The following TENM1 variants were observed in gnomAD, a reference collection of about 807,000 sequenced individuals.
TENM1 encodes teneurin transmembrane protein 1.
Under a neutral mutation model 174.8 loss-of-function variants are expected in TENM1, and 35 were observed. That is an observed-to-expected ratio of 0.20 (90% CI 0.15 to 0.27). TENM1 has a LOEUF of 0.27. Among genes scored for constraint, TENM1 ranks in the 10% least tolerant of loss-of-function variants. The probability of loss-of-function intolerance (pLI) is 1.00; values close to 1 mark genes in which losing one functional copy is unlikely to be tolerated. For synonymous variants in TENM1, 781 were observed against 798.7 expected, an observed-to-expected ratio of 0.98 and a Z score of 0.37; for missense variants, 1,633 against 2,130.1, an observed-to-expected ratio of 0.77 and a Z score of 4.59.
At chrX:124,426,430 C>A (rs1024452864) in intron 23 of TENM1, among the ~76,000 whole-genome samples, 27 of 112,277 alleles carry the variant, frequency 2.4e-4, no homozygotes, top group African/African-American at 8.7e-4. Flanking sequence ...CTGCGGCCTA[C>A]TACTTCCCCA....
the TENM1 span, among the ~76,000 whole-genome samples, chrX:125,129,122 A>T: frequency 8.9e-6 from 1 of 111,872 alleles, no homozygotes; most frequent in Non-Finnish European, 1.9e-5. Flanking sequence ...GCAGTTGTCT[A>T]CGAGCCAGGA....
chrX:124,998,511 A>G, the TENM1 span, among the ~76,000 whole-genome samples: 1 of 110,765 alleles, frequency 9.0e-6, no homozygotes, highest in African/African-American at 3.3e-5. Context: ...AGTATTAACG[A>G]TGATAGCAGC....
rs143931463 is a variant in TENM1, at chrX:124,497,116, C to T, written c.3595G>A (p.Ala1199Thr). The change falls in exon 20 of 32, where the codon GCC (alanine) becomes ACC (threonine). Residue 1199 changes from alanine to threonine, a missense_variant. Ala to Thr is a moderately conservative substitution (Grantham distance 58). Transcript: ENST00000422452. The stretch of plus-strand genomic sequence containing the variant: ...CTGCCATCAGGGCCAGAAGCTAAGG[C>T]GACAGGAGCAAAGAGTTTGTTGTTG... 4.7e-5 allele frequency: 57 copies of T among 1,208,196 alleles called. No individual in the cohort carries two copies. Among genetic ancestry groups the T allele is most frequent in the African/African-American group, 1.1e-4 (6 of 56,884 alleles).
the TENM1 span, among the ~76,000 whole-genome samples, chrX:124,993,411 TC>T: frequency 9.0e-6 from 1 of 111,210 alleles, no homozygotes; most frequent in African/African-American, 3.3e-5. Context: ...ATTATATAAG[TC>T]ATGTTCAAAC....
At chrX:125,063,648 A>G in the TENM1 span, among the ~76,000 whole-genome samples, 17 of 111,885 alleles carry the variant, frequency 1.5e-4, no homozygotes, top group Admixed American at 1.6e-3. Context: ...TGATCATTAA[A>G]AAGTCAGGAA....
intron 3 of TENM1, among the ~76,000 whole-genome samples, chrX:124,889,002 G>T (rs1454698358): frequency 8.9e-6 from 1 of 112,034 alleles, no homozygotes; most frequent in Non-Finnish European, 1.9e-5. Context: ...TACAGAAAAC[G>T]TTGTTTATTT....
intron 3 of TENM1, among the ~76,000 whole-genome samples, chrX:124,858,649 A>T (rs2056856018): frequency 8.9e-6 from 1 of 112,030 alleles, no homozygotes; most frequent in South Asian, 3.7e-4. Context: ...TAATCCTTAC[A>T]TTCCCCTTAT....
chrX:124,949,040 G>A (rs752601762), intron 1 of TENM1, among the ~76,000 whole-genome samples: 1 of 111,559 alleles, frequency 9.0e-6, no homozygotes, highest in East Asian at 2.8e-4. Context: ...AACAAAGTCC[G>A]ACTGGCTGGT....
intron 11 of TENM1, among the ~76,000 whole-genome samples, chrX:124,586,598 A>G (rs1240129267): frequency 1.8e-5 from 2 of 109,698 alleles, no homozygotes; most frequent in African/African-American, 6.7e-5. Flanking sequence ...ATGGGCAAAA[A>G]CTGGAAGCAT....
intron 27 of TENM1, among the ~76,000 whole-genome samples, chrX:124,396,304 C>CTTTTTTTT (rs1257692658): frequency 1.4e-5 from 1 of 70,467 alleles, no homozygotes; most frequent in Non-Finnish European, 2.6e-5. Flanking sequence ...CTCTCCCAAC[C>CTTTTTTTT]TTTTTTTTTT....
intron 11 of TENM1, among the ~76,000 whole-genome samples, chrX:124,632,796 A>G (rs2050792175): frequency 8.9e-6 from 1 of 112,212 alleles, no homozygotes; most frequent in Non-Finnish European, 1.9e-5. Flanking sequence ...AGTATCATTC[A>G]GCTTATTTGG....
chrX:124,869,497 A>C, intron 3 of TENM1, among the ~76,000 whole-genome samples: 1 of 111,697 alleles, frequency 9.0e-6, no homozygotes, highest in Middle Eastern at 4.7e-3. Context: ...AAAGGAAATC[A>C]TTATATAGAA....
intron 1 of TENM1, among the ~76,000 whole-genome samples, chrX:124,902,602 A>G (rs112541541): frequency 8.9e-6 from 1 of 112,487 alleles, no homozygotes; most frequent in African/African-American, 3.2e-5. Flanking sequence ...AAGTAACACC[A>G]GATAAGAGGC....
chrX:124,639,124 A>G (rs996050707), intron 11 of TENM1, among the ~76,000 whole-genome samples: 2 of 111,922 alleles, frequency 1.8e-5, no homozygotes, highest in African/African-American at 6.5e-5. Context: ...CTATTGCAAC[A>G]AGAAGAAATG....
chrX:124,664,532 G>GAAAAAAAAAAAAAAAA (rs779501054), intron 6 of TENM1, among the ~76,000 whole-genome samples: 2 of 29,272 alleles, frequency 6.8e-5, no homozygotes, highest in Non-Finnish European at 1.2e-4. Flanking sequence ...TAAAGCAAAA[G>GAAAAAAAAAAAAAAAA]AAAAAAAAAA....
chrX:124,398,632 C>CT lies in TENM1; in HGVS notation c.5392-6285dup, dbSNP rs201392496. Among the ~76,000 whole-genome samples, 31 of 109,130 alleles carry CT rather than the reference C, an allele frequency of 2.8e-4. No individual in the cohort carries two copies. In the East Asian group the frequency reaches 5.4e-3, roughly 19 times the overall value. The allele number at this position is 109,130 out of a possible 115,157, so 94.8% of individuals were successfully genotyped here. On this transcript the variant is annotated intron_variant, in intron 27 of 31. Transcript: ENST00000422452. Reference sequence around the variant, plus strand: ...CATTTATGCAGGATTTTCTTTTTTTCTTTTTTTTTATTTTTTGGTGTATAT... The same window carrying CT: ...CATTTATGCAGGATTTTCTTTTTTTCTTTTTTTTTTATTTTTTGGTGTATAT...
intron 23 of TENM1, among the ~76,000 whole-genome samples, chrX:124,425,803 T>C (rs932610910): frequency 2.7e-5 from 3 of 111,336 alleles, no homozygotes; most frequent in African/African-American, 9.8e-5. Flanking sequence ...ATTTGGGTTC[T>C]AGACAGATCA....
At chrX:125,106,804 G>A in the TENM1 span, among the ~76,000 whole-genome samples, 3 of 110,687 alleles carry the variant, frequency 2.7e-5, no homozygotes, top group African/African-American at 9.7e-5. Context: ...CCTTTAATGT[G>A]ATACAAAGTA....
At chrX:125,105,418 A>G in the TENM1 span, among the ~76,000 whole-genome samples, 1 of 111,568 alleles carries the variant, frequency 9.0e-6, no homozygotes, top group Non-Finnish European at 1.9e-5. Context: ...GTTGAAATCA[A>G]TGACACTGCA....
Sources: gnomAD v4.1 joint callset for allele counts (sites outside exome capture counted in the v4.1 genomes callset) on GRCh38, gnomAD v4.1.1 for gene constraint, MANE v1.5 for transcripts, NCBI Gene and HGNC (gene_info 2026-07-23, HGNC 2026-07-21) for gene names.